SASS6: variants seen among roughly 807,000 people sequenced by gnomAD.
SASS6 encodes spindle assembly abnormal protein 6 homolog.
Under a neutral mutation model 94.9 loss-of-function variants are expected in SASS6, and 59 were observed. That is an observed-to-expected ratio of 0.62 (90% CI 0.50 to 0.77). The LOEUF (loss-of-function observed/expected upper bound fraction) is 0.77, where lower values mean the gene tolerates loss of function less well. SASS6 is among the 30% of genes least tolerant of loss of function. The pLI, the probability that SASS6 is intolerant of heterozygous loss-of-function variation, is 0.00. For missense variants in SASS6, 698 were observed against 734.1 expected (o/e 0.95, Z 0.57); for synonymous variants, 264 against 270.0 (o/e 0.98, Z 0.22).
rs538432219 is a variant in SASS6, at chr1:100,117,617, C to A, written c.669+1401G>T. ...GCAGTGAGCCGAGATAGTGCCACTGCACTCCAGTCTGAGCGACAGAGCGAG... is the reference window on the plus strand; with the variant it reads ...GCAGTGAGCCGAGATAGTGCCACTGAACTCCAGTCTGAGCGACAGAGCGAG... On this transcript the variant is annotated intron_variant, in intron 7 of 16. Coordinates refer to ENST00000287482, the MANE Select transcript of SASS6 (RefSeq NM_194292.3). Among the ~76,000 whole-genome samples, 7 of 151,074 alleles carry A rather than the reference C, an allele frequency of 4.6e-5. No individual in the cohort carries two copies. The South Asian group carries it at 1.5e-3, about 32-fold the overall frequency.
rs17121889 is a variant in SASS6, at chr1:100,106,903, C to T, written c.1408+9G>A. On this transcript the variant is annotated intron_variant, in intron 12 of 16. Coordinates refer to ENST00000287482, the MANE Select transcript of SASS6 (RefSeq NM_194292.3). The stretch of plus-strand genomic sequence containing the variant: ...AAACCTCATTTACATTAACACGTAA[C>T]ATACTTACACTTTTCATTATTTTTT... The T allele has an allele frequency of 0.04, 44,271 of 1,102,716 alleles. 1,039 individuals carry two copies. Among genetic ancestry groups the T allele is most frequent in the African/African-American group, 0.066 (4,213 of 64,168 alleles). The allele number at this position is 1,102,716 out of a possible 1,614,324, so 68.3% of individuals were successfully genotyped here. A position where few individuals can be genotyped will look rare whatever the true frequency, so the allele number is the denominator to read the frequency against.
chr1:100,095,697 G>A (rs912794345), intron 14 of SASS6, among the ~76,000 whole-genome samples: 4 of 152,132 alleles, frequency 2.6e-5, no homozygotes, highest in Admixed American at 2.6e-4. Flanking sequence ...AACCACTAAT[G>A]AGTATAATAA....
At chr1:100,109,173 T>C (rs1162081286) in intron 8 of SASS6, among the ~76,000 whole-genome samples, 1 of 152,090 alleles carries the variant, frequency 6.6e-6, no homozygotes, top group Non-Finnish European at 1.5e-5. Flanking sequence ...AAGGTTCAAA[T>C]GCTTTACAAC....
chr1:100,130,110 A>C (rs910047549), intron 1 of SASS6, among the ~76,000 whole-genome samples: 1 of 152,242 alleles, frequency 6.6e-6, no homozygotes, highest in Non-Finnish European at 1.5e-5. Context: ...AAGATCTGTC[A>C]GTAAGTGGAA....
chr1:100,106,396 G>A (rs1466724877), intron 12 of SASS6, among the ~76,000 whole-genome samples: 2 of 152,080 alleles, frequency 1.3e-5, no homozygotes, highest in Non-Finnish European at 2.9e-5. Flanking sequence ...TGACCTATGG[G>A]ATATGGTTTT....
intron 7 of SASS6, among the ~76,000 whole-genome samples, chr1:100,116,109 G>A (rs992380959): frequency 3.3e-5 from 5 of 151,932 alleles, no homozygotes; most frequent in African/African-American, 1.2e-4. Flanking sequence ...AACTATATAC[G>A]GCAAAAGATG....
In SASS6 at chr1:100,085,528, C is replaced by G; in HGVS notation, c.1867+8G>C. On this transcript the variant is annotated splice_region_variant and intron_variant, in intron 16 of 16. Coordinates refer to ENST00000287482, the MANE Select transcript of SASS6 (RefSeq NM_194292.3). ...ATAAAGTACAAAAATCCAGAAATCC[C>G]TGCTTACCTGAATTACTAAATAGGT... is the stretch of plus-strand genomic sequence containing the variant. The G allele has an allele frequency of 6.2e-7, 1 of 1,604,508 alleles. No homozygotes were observed. Among genetic ancestry groups the G allele is most frequent in the Non-Finnish European group, 8.5e-7 (1 of 1,171,882 alleles).
chr1:100,132,666 G>T, intron 1 of SASS6, 84 bp downstream of exon 1: 1 of 1,141,670 alleles, frequency 8.8e-7, no homozygotes, highest in Non-Finnish European at 1.3e-6. Flanking sequence ...GTGCAAGGTG[G>T]ATCCCACGGG....
intron 2 of SASS6, among the ~76,000 whole-genome samples, chr1:100,123,691 G>A (rs560956104): frequency 2.0e-5 from 3 of 152,234 alleles, no homozygotes; most frequent in South Asian, 4.2e-4. Context: ...TTTCAAAAGT[G>A]GCAAATATAT....
intron 5 of SASS6, 69 bp from the exon 6 acceptor site, chr1:100,120,528 T>C: frequency 4.1e-6 from 3 of 731,954 alleles, no homozygotes; most frequent in Non-Finnish European, 7.3e-6. Flanking sequence ...ACTCAAAGTA[T>C]AGCATCAGCA....
intron 14 of SASS6, among the ~76,000 whole-genome samples, chr1:100,092,492 G>C (rs60498392): frequency 0.033 from 5,025 of 152,192 alleles, 303 homozygotes; most frequent in African/African-American, 0.11. Context: ...CAGGAATGAA[G>C]GAAAAGAACA....
chr1:100,096,437 A>G (rs995054826), intron 14 of SASS6, among the ~76,000 whole-genome samples: 1 of 152,256 alleles, frequency 6.6e-6, no homozygotes, highest in African/African-American at 2.4e-5. Context: ...TAAAAGTTGT[A>G]GAAGAAAACA....
At chr1:100,108,228 G>C (rs1653059260) in intron 8 of SASS6, among the ~76,000 whole-genome samples, 2 of 151,554 alleles carry the variant, frequency 1.3e-5, no homozygotes, top group African/African-American at 4.9e-5. Flanking sequence ...ATCATATCAA[G>C]GGAAAATAAT....
At chr1:100,105,153 T>C (rs900952876) in intron 13 of SASS6, among the ~76,000 whole-genome samples, 3 of 152,244 alleles carry the variant, frequency 2.0e-5, no homozygotes, top group African/African-American at 7.2e-5. Context: ...TTTTACGTTA[T>C]GTGTTTTCAA....
At chr1:100,088,832 C>T (rs1481312804) in intron 14 of SASS6, among the ~76,000 whole-genome samples, 1 of 138,510 alleles carries the variant, frequency 7.2e-6, no homozygotes, top group Non-Finnish European at 1.5e-5. Flanking sequence ...AAGACCCTGT[C>T]TATAAAAAAA....
At chr1:100,115,274 G>A (rs896451167) in intron 7 of SASS6, among the ~76,000 whole-genome samples, 9 of 152,256 alleles carry the variant, frequency 5.9e-5, no homozygotes, top group African/African-American at 2.2e-4. Context: ...TTTAACCACA[G>A]TGGTACTGGT....
chr1:100,130,345 T>C (rs1376710350), intron 1 of SASS6, among the ~76,000 whole-genome samples: 1 of 152,140 alleles, frequency 6.6e-6, no homozygotes, highest in African/African-American at 2.4e-5. Context: ...ACAGCAGACA[T>C]TTGCCAGTAT....
intron 7 of SASS6, among the ~76,000 whole-genome samples, chr1:100,113,245 T>C (rs1375179611): frequency 1.3e-5 from 2 of 152,032 alleles, no homozygotes; most frequent in African/African-American, 2.4e-5. Context: ...ATATATCCAG[T>C]AACAAACTTG....
intron 8 of SASS6, among the ~76,000 whole-genome samples, chr1:100,109,519 G>A (rs1653147683): frequency 6.6e-6 from 1 of 151,972 alleles, no homozygotes; most frequent in Non-Finnish European, 1.5e-5. Context: ...GTTGATAGGT[G>A]CAGCAAACCA....
Sources: gnomAD v4.1 joint callset for allele counts (sites outside exome capture counted in the v4.1 genomes callset) on GRCh38, gnomAD v4.1.1 for gene constraint, MANE v1.5 for transcripts, NCBI Gene and HGNC (gene_info 2026-07-23, HGNC 2026-07-21) for gene names.